The following USP3 variants were observed in gnomAD, a reference collection of about 807,000 sequenced individuals.
USP3 encodes ubiquitin carboxyl-terminal hydrolase 3.
A neutral mutation model predicts 72.3 loss-of-function variants in USP3; 20 were observed. That is an observed-to-expected ratio of 0.28 (90% CI 0.19 to 0.40). USP3 has a LOEUF of 0.40. Among genes scored for constraint, USP3 ranks in the 10% least tolerant of loss-of-function variants. USP3 has a pLI of 1.00. For missense variants in USP3, 479 were observed against 633.9 expected (o/e 0.76, Z 2.62); for synonymous variants, 222 against 225.3 (o/e 0.99, Z 0.13).
At chr15:63,539,967 T>C (rs763529108) in intron 3 of USP3, among the ~76,000 whole-genome samples, 5 of 152,218 alleles carry the variant, frequency 3.3e-5, no homozygotes, top group African/African-American at 7.2e-5. Context: ...AGTGTGTGCA[T>C]GTGTTGTTTC....
Position 63,547,753 on chromosome 15 carries a change from GGAGGGAGGGAGA to G in USP3, c.285-5958_285-5947del, listed in dbSNP as rs1165110832. On this transcript the variant is annotated intron_variant, in intron 3 of 14. Coordinates refer to ENST00000380324, the MANE Select transcript of USP3 (RefSeq NM_006537.4). ...GAGAGAGAGAGAGAGAGGGAGGGAG[GGAGGGAGGGAGA>G]GAGAGAGAGAGAGAGAGAGAGAGAG... Among the ~76,000 whole-genome samples, 12 of 40,234 alleles carry G rather than the reference GGAGGGAGGGAGA, an allele frequency of 3.0e-4. 2 individuals are homozygous for G. Among genetic ancestry groups the G allele is most frequent in the Admixed American group, 1.0e-3 (4 of 3,876 alleles). The allele number at this position is 40,234 out of a possible 152,430, so 26.4% of individuals were successfully genotyped here.
At chr15:63,520,822 C>A (rs891608784) in intron 1 of USP3, among the ~76,000 whole-genome samples, 1 of 152,066 alleles carries the variant, frequency 6.6e-6, no homozygotes, top group African/African-American at 2.4e-5. Context: ...CTTGGCCTCC[C>A]AAAGTGCTAG....
Position 63,588,478 on chromosome 15 carries a change from C to G in USP3, c.1215+55C>G, listed in dbSNP as rs2067119656. On this transcript the variant is annotated intron_variant, in intron 12 of 14. Coordinates refer to ENST00000380324, the MANE Select transcript of USP3 (RefSeq NM_006537.4). The surrounding 1 kb of genome is among the most constrained non-coding windows in gnomAD (Gnocchi z 4.6). ...ATTTCAATGGGAAAGTGCTTGACTG[C>G]TAAGACCATGTCTATAACTTTACAC... 2 of 1,271,410 alleles carry G rather than the reference C, an allele frequency of 1.6e-6. No homozygotes were observed. The allele number at this position is 1,271,410 out of a possible 1,614,324, so 78.8% of individuals were successfully genotyped here.
chr15:63,521,708 ATACTTCTCTCTTCC>A (rs1257223638), intron 1 of USP3, among the ~76,000 whole-genome samples: 1 of 152,138 alleles, frequency 6.6e-6, no homozygotes, highest in East Asian at 1.9e-4. Flanking sequence ...GCTGTTTCGG[ATACTTCTCTCTTCC>A]ATTTAATTTA....
chr15:63,553,482 G>A lies in USP3; in HGVS notation c.285-233G>A, dbSNP rs918835046. Reference sequence around the variant, plus strand: ...TCATTTTCAAAGGAGGAATTGAAGAGCTTTTGAGTAAAAAACGTGAAAAGA... The same window carrying A: ...TCATTTTCAAAGGAGGAATTGAAGAACTTTTGAGTAAAAAACGTGAAAAGA... On this transcript the variant is annotated intron_variant, in intron 3 of 14. Transcript: ENST00000380324. This position sits in a 1 kb window ranked among gnomAD's most constrained non-coding sequence, Gnocchi z 4.2. 22 of 362,962 alleles carry A rather than the reference G, an allele frequency of 6.1e-5. No homozygotes were observed. The highest frequency in any genetic ancestry group is 1.0e-4 in the Non-Finnish European group (21 of 201,760). 22.5% of individuals were successfully genotyped at this position (362,962 alleles called of 1,614,324 possible).
chr15:63,520,560 T>G (rs2065907057), intron 1 of USP3, among the ~76,000 whole-genome samples: 1 of 137,198 alleles, frequency 7.3e-6, no homozygotes, highest in Non-Finnish European at 1.6e-5. Flanking sequence ...TTAGATTTTT[T>G]TTTTTTTTTT....
At position 63,574,067 on chromosome 15, in the gene USP3, C is replaced by T; in HGVS notation, c.930C>T (p.Val310=). The T allele has an allele frequency of 6.3e-7, 1 of 1,592,120 alleles. No homozygotes were observed. Among genetic ancestry groups the T allele is most frequent in the Non-Finnish European group, 8.6e-7 (1 of 1,168,134 alleles). ...TTAGAAATGGAGCATCTACTGTTGT[C>T]ACGGCTATATTCGGAGGCATTCTCC... The part of the protein sequence containing the change: ...KCCINGASTV[V]TAIFGGILQN... The change falls in exon 10 of 15, where the codon GTC becomes GTT. Residue 310 remains valine (V), a synonymous_variant. Transcript: ENST00000380324. This position sits in a 1 kb window ranked among gnomAD's most constrained non-coding sequence, Gnocchi z 4.6.
At chr15:63,585,592 G>A (rs1021808578) in intron 11 of USP3, among the ~76,000 whole-genome samples, 1 of 152,066 alleles carries the variant, frequency 6.6e-6, no homozygotes, top group Non-Finnish European at 1.5e-5. Flanking sequence ...TCCCTTGACA[G>A]TATCTTTTAC....
intron 3 of USP3, among the ~76,000 whole-genome samples, chr15:63,548,863 A>G (rs2066395486): frequency 6.6e-6 from 1 of 152,088 alleles, no homozygotes; most frequent in Admixed American, 6.6e-5. Context: ...CCGACTATAA[A>G]ATTGAGTTCT....
intron 3 of USP3, among the ~76,000 whole-genome samples, chr15:63,545,056 T>C (rs903730912): frequency 7.3e-5 from 9 of 123,528 alleles, no homozygotes; most frequent in Admixed American, 2.5e-4. Context: ...GGTTAAATAC[T>C]AGAAGTTAGA....
chr15:63,507,074 T>C (rs1454579604), intron 1 of USP3, among the ~76,000 whole-genome samples: 1 of 152,198 alleles, frequency 6.6e-6, no homozygotes, highest in Non-Finnish European at 1.5e-5. Flanking sequence ...GTATTTTTTT[T>C]CTCCCACACT....
chr15:63,510,843 A>G (rs2065771401), intron 1 of USP3, among the ~76,000 whole-genome samples: 1 of 152,184 alleles, frequency 6.6e-6, no homozygotes, highest in Non-Finnish European at 1.5e-5. Context: ...TCTTTTGAGA[A>G]TGTAGGTAAG....
chr15:63,524,658 C>G lies in USP3; in HGVS notation c.92-7989C>G, dbSNP rs138551666. ...TACCTCTGTGCTCCTTGGTGTCTCT[C>G]TGTCCCCCAGTGGTGTCATAATCTC... is the stretch of plus-strand genomic sequence containing the variant. On this transcript the variant is annotated intron_variant, in intron 1 of 14. Transcript: ENST00000380324. Among the ~76,000 whole-genome samples, 268 of 152,292 alleles carry G rather than the reference C, an allele frequency of 1.8e-3. 1 individual carries two copies. Among genetic ancestry groups the G allele is most frequent in the African/African-American group, 6.4e-3 (264 of 41,554 alleles).
chr15:63,590,057 G>T (rs185632663), intron 14 of USP3, among the ~76,000 whole-genome samples: 26 of 152,154 alleles, frequency 1.7e-4, no homozygotes, highest in African/African-American at 5.8e-4. Context: ...TGTTCTTCCC[G>T]GTATTTCTTT....
intron 8 of USP3, among the ~76,000 whole-genome samples, chr15:63,563,850 A>G (rs2066646038): frequency 6.6e-6 from 1 of 152,260 alleles, no homozygotes; most frequent in Non-Finnish European, 1.5e-5. Context: ...ATAGATAAAT[A>G]TTTAAAAGGT....
rs1555446525 is a variant in USP3, at chr15:63,547,888, G to GAGAGAGAGAGAGAGAGAGAGGCAT, written c.285-5819_285-5818insAGAGAGAGAGAGGCATAGAGAGAG. Among the ~76,000 whole-genome samples the GAGAGAGAGAGAGAGAGAGAGGCAT allele has an allele frequency of 7.5e-4, 55 of 73,298 alleles. 14 individuals carry two copies. The highest frequency in any genetic ancestry group is 1.2e-3 in the Non-Finnish European group (42 of 34,526). 48.1% of individuals were successfully genotyped at this position (73,298 alleles called of 152,430 possible). On this transcript the variant is annotated intron_variant, in intron 3 of 14. Transcript: ENST00000380324. ...GCATAGAGAGAGAGAGAGAGAGAGA[G>GAGAGAGAGAGAGAGAGAGAGGCAT]AGAGAGAGGCATAGAGAGAGGCATA...
intron 1 of USP3, among the ~76,000 whole-genome samples, chr15:63,519,862 GT>G (rs375748374): frequency 0.024 from 3,622 of 151,388 alleles, 132 homozygotes; most frequent in African/African-American, 0.082. Context: ...TAAGCACTCG[GT>G]TTTTTTTTAT....
chr15:63,556,405 G>A (rs2066509186), intron 4 of USP3: 1 of 319,660 alleles, frequency 3.1e-6, no homozygotes, highest in Non-Finnish European at 5.8e-6. Context: ...GTGGTGGGGA[G>A]TGTCCCACGG....
At chr15:63,568,065 C>T (rs1595757220) in intron 8 of USP3, among the ~76,000 whole-genome samples, 1 of 152,022 alleles carries the variant, frequency 6.6e-6, no homozygotes, top group East Asian at 1.9e-4. Flanking sequence ...AAAATTGGAG[C>T]CATAGTTGGC....
Sources: allele counts gnomAD v4.1 joint callset (sites outside exome capture counted in the v4.1 genomes callset), GRCh38; gene constraint gnomAD v4.1.1; non-coding constraint Gnocchi (gnomAD v3.1); transcripts MANE v1.5; gene names NCBI Gene and HGNC (gene_info 2026-07-23, HGNC 2026-07-21).